The following PRUNE2 variants were observed in gnomAD, a reference collection of about 807,000 sequenced individuals.
PRUNE2 encodes the protein prune homolog 2 with BCH domain, also known as protein prune homolog 2.
A neutral mutation model predicts 252.0 loss-of-function variants in PRUNE2; 164 were observed. The observed-to-expected ratio is 0.65, with a 90% confidence interval of 0.57 to 0.74. PRUNE2 has a LOEUF of 0.74. Among genes scored for constraint, PRUNE2 ranks in the 30% least tolerant of loss-of-function variants. The pLI is 0.00. For synonymous variants in PRUNE2, 1,292 were observed against 1,350.2 expected, an observed-to-expected ratio of 0.96 and a Z score of 0.94; for missense variants, 3,495 against 3,711.0, an observed-to-expected ratio of 0.94 and a Z score of 1.51.
At position 76,708,650 on chromosome 9, in the gene PRUNE2, A is replaced by G. The variant is rs916268046; in HGVS notation, c.3624T>C (p.Asn1208=). ...TTGCAATTAGCTGCCCACTTTTCTC[A>G]TTCAATGTGTGATGTTCACTGGGAG... ...DSAPSEHHTL[N]EKSGQLIANS... The change falls in exon 8 of 19, where the codon AAT becomes AAC. Residue 1208 remains asparagine, a synonymous_variant. Transcript: ENST00000376718. The G allele has an allele frequency of 1.1e-5, 18 of 1,613,662 alleles. No homozygotes were observed. In the African/African-American group the frequency reaches 1.5e-4, roughly 13 times the overall value.
chr9:76,712,973 C>T (rs1414354871), intron 7 of PRUNE2, among the ~76,000 whole-genome samples: 3 of 152,088 alleles, frequency 2.0e-5, no homozygotes, highest in Non-Finnish European at 2.9e-5. Context: ...TCTGGGGCCC[C>T]GTGTGGCTCC....
At position 76,704,927 on chromosome 9, in the gene PRUNE2, TC is replaced by T. The variant is rs1189215485; in HGVS notation, c.7346del (p.Arg2449AsnfsTer23). ...SEGNQAETKN[R>X]LPGSQLAVLH... ...GCACAGCCAGCTGGGATCCAGGCAG[TC>T]TGTTTTTGGTCTCAGCCTGGTTTCC... is the stretch of plus-strand genomic sequence containing the variant. On this transcript the variant is annotated frameshift_variant, in exon 8 of 19. Transcript: ENST00000376718. LOFTEE classifies it high-confidence loss of function. 1.2e-6 allele frequency: 2 copies of T among 1,612,398 alleles called. No individual in the cohort carries two copies. Among genetic ancestry groups the T allele is most frequent in the Non-Finnish European group, 1.7e-6 (2 of 1,179,150 alleles).
At chr9:76,875,612 C>T (rs986246748) in intron 1 of PRUNE2, among the ~76,000 whole-genome samples, 3 of 152,186 alleles carry the variant, frequency 2.0e-5, no homozygotes, top group Non-Finnish European at 4.4e-5. Flanking sequence ...GATCTGCCCG[C>T]CTTGGCCTCC....
intron 6 of PRUNE2, among the ~76,000 whole-genome samples, chr9:76,814,463 A>G (rs2057552947): frequency 6.6e-6 from 1 of 152,164 alleles, no homozygotes; most frequent in African/African-American, 2.4e-5. Context: ...TGCAGGAGAC[A>G]CTCTGAGCAA....
At chr9:76,776,678 C>G (rs72512939) in intron 6 of PRUNE2, among the ~76,000 whole-genome samples, 5,942 of 151,690 alleles carry the variant, frequency 0.039, 267 homozygotes, top group African/African-American at 0.11. Context: ...CTATGCCTAG[C>G]TAGTATTTCT....
At chr9:76,782,748 G>A (rs2054555777) in intron 6 of PRUNE2, 1 of 152,206 alleles carries the variant, frequency 6.6e-6, no homozygotes, top group African/African-American at 2.4e-5. Flanking sequence ...AGTCTCCTCA[G>A]TGACACAGGG....
chr9:76,850,424 T>G, intron 3 of PRUNE2, 39 bp downstream of exon 3: 1 of 1,515,808 alleles, frequency 6.6e-7, no homozygotes, highest in Non-Finnish European at 9.2e-7. Flanking sequence ...AGAACCTTCA[T>G]TGAGGGATTA....
intron 6 of PRUNE2, among the ~76,000 whole-genome samples, chr9:76,755,013 A>G (rs1367375359): frequency 6.6e-6 from 1 of 151,728 alleles, no homozygotes; most frequent in Non-Finnish European, 1.5e-5. Flanking sequence ...AGCAAAAACA[A>G]AAAAAACTTT....
At chr9:76,805,168 GC>G in intron 6 of PRUNE2, among the ~76,000 whole-genome samples, 1 of 152,296 alleles carries the variant, frequency 6.6e-6, no homozygotes, top group East Asian at 1.9e-4. Context: ...AGGCCCAGCT[GC>G]CCCCGCATTT....
In PRUNE2 at chr9:76,850,666, C is replaced by A; in HGVS notation, c.142-1G>T. ...AACACAGAACCCCTGGTGGACTGAC[C>A]TACCAAGAAAAAAGTTGACTGAATT... On this transcript the variant is annotated splice_acceptor_variant, in intron 2 of 18. Coordinates refer to ENST00000376718, the MANE Select transcript of PRUNE2 (RefSeq NM_015225.3). LOFTEE classifies it high-confidence loss of function. 6.2e-7 allele frequency: 1 copy of A among 1,607,650 alleles called. No individual in the cohort carries two copies. The highest frequency in any genetic ancestry group is 1.7e-5 in the Admixed American group (1 of 58,772).
Position 76,705,775 on chromosome 9 carries a change from C to CA in PRUNE2, c.6498dup (p.Val2167CysfsTer21). 1 of 1,613,952 alleles carries CA rather than the reference C, an allele frequency of 6.2e-7. No individual in the cohort carries two copies. Among genetic ancestry groups the CA allele is most frequent in the Non-Finnish European group, 8.5e-7 (1 of 1,179,888 alleles). On this transcript the variant is annotated frameshift_variant, in exon 8 of 19. Transcript: ENST00000376718. LOFTEE classifies it high-confidence loss of function. ...GCTTGATAGCCAATTGGAGGCAGCACAGTTGCGTTTTCAGAATCGAGTTCT... is the reference window on the plus strand; with the variant it reads ...GCTTGATAGCCAATTGGAGGCAGCACAAGTTGCGTTTTCAGAATCGAGTTCT...
intron 6 of PRUNE2, among the ~76,000 whole-genome samples, chr9:76,782,357 T>C (rs1300559174): frequency 6.6e-6 from 1 of 152,176 alleles, no homozygotes; most frequent in African/African-American, 2.4e-5. Flanking sequence ...GCATTTTTGA[T>C]AATTTCTGAG....
chr9:76,837,452 A>ATAAT (rs2059078071), intron 4 of PRUNE2, among the ~76,000 whole-genome samples: 1 of 63,666 alleles, frequency 1.6e-5, no homozygotes, highest in Non-Finnish European at 3.2e-5. Context: ...AATAATAATA[A>ATAAT]TAATAATAAT....
At chr9:76,885,941 A>C (rs1416556749) in intron 1 of PRUNE2, among the ~76,000 whole-genome samples, 3 of 152,034 alleles carry the variant, frequency 2.0e-5, no homozygotes, top group Admixed American at 1.3e-4. Context: ...GCACTTTGGG[A>C]GGCCAAGGTG....
intron 17 of PRUNE2, 135 bp from the exon 18 acceptor site, chr9:76,619,522 AGAT>A (rs1288428054): frequency 3.2e-5 from 21 of 648,470 alleles, no homozygotes; most frequent in Admixed American, 1.7e-4. Context: ...ATACCTGAAC[AGAT>A]GATAAGATTA....
At chr9:76,837,450 TAA>T (rs1440225155) in intron 4 of PRUNE2, among the ~76,000 whole-genome samples, 1 of 64,308 alleles carries the variant, frequency 1.6e-5, no homozygotes, top group African/African-American at 5.4e-5. Context: ...CAAATAATAA[TAA>T]TAATAATAAT....
chr9:76,787,868 C>T (rs548540918), intron 6 of PRUNE2, among the ~76,000 whole-genome samples: 2 of 152,352 alleles, frequency 1.3e-5, no homozygotes, highest in African/African-American at 4.8e-5. Flanking sequence ...CCCAGCTCCT[C>T]CCGACTTCCT....
intron 6 of PRUNE2, among the ~76,000 whole-genome samples, chr9:76,746,562 G>A (rs992114809): frequency 3.3e-5 from 5 of 151,340 alleles, no homozygotes; most frequent in Non-Finnish European, 5.9e-5. Flanking sequence ...AAAATTAGCC[G>A]GGCGCGGTGG....
chr9:76,646,384 A>G (rs1239276972), intron 11 of PRUNE2, among the ~76,000 whole-genome samples: 1 of 152,236 alleles, frequency 6.6e-6, no homozygotes, highest in Admixed American at 6.5e-5. Flanking sequence ...AGTGACTTAG[A>G]TAGCAAAATG....
Sources: allele counts gnomAD v4.1 joint callset (sites outside exome capture counted in the v4.1 genomes callset), GRCh38; gene constraint gnomAD v4.1.1; transcripts MANE v1.5; gene names NCBI Gene and HGNC (gene_info 2026-07-23, HGNC 2026-07-21).